RBFOX1: variants seen among roughly 807,000 people sequenced by gnomAD.
RBFOX1 encodes the protein RNA binding protein fox-1 homolog 1.
Under a neutral mutation model 57.7 loss-of-function variants are expected in RBFOX1, and 8 were observed. The observed-to-expected ratio is 0.14, with a 90% CI of 0.08 to 0.25. The LOEUF is 0.25. Ranked by LOEUF, RBFOX1 falls within the 10% of genes least tolerant of loss-of-function variation. The probability of loss-of-function intolerance (pLI) is 1.00; values close to 1 mark genes in which losing one functional copy is unlikely to be tolerated. For missense variants in RBFOX1, 611 were observed against 548.5 expected (o/e 1.11, Z -1.14); for synonymous variants, 326 against 222.4 (o/e 1.47, Z -4.15).
At chr16:7,302,633 C>CAA (rs562030708) in intron 4 of RBFOX1, among the ~76,000 whole-genome samples, 11 of 113,994 alleles carry the variant, frequency 9.6e-5, no homozygotes, top group African/African-American at 2.6e-4. Context: ...GGTCTGAAAA[C>CAA]AAAAAAAAAA....
chr16:6,876,251 C>T (rs976569667), intron 3 of RBFOX1, among the ~76,000 whole-genome samples: 8 of 152,046 alleles, frequency 5.3e-5, no homozygotes, highest in East Asian at 1.9e-4. Context: ...TCCTGACATC[C>T]AGTCTTTCTA....
At chr16:6,472,161 AT>A (rs1054337403) in intron 2 of RBFOX1, among the ~76,000 whole-genome samples, 1 of 152,094 alleles carries the variant, frequency 6.6e-6, no homozygotes, top group African/African-American at 2.4e-5. Flanking sequence ...TCAATTCCAC[AT>A]TTCTTGGAGA....
intron 3 of RBFOX1, among the ~76,000 whole-genome samples, chr16:6,760,456 A>T (rs1043065537): frequency 6.6e-6 from 1 of 152,228 alleles, no homozygotes; most frequent in East Asian, 1.9e-4. Flanking sequence ...GGCATGTATT[A>T]TTAAGAAAAA....
chr16:7,217,979 T>C (rs895696856), intron 4 of RBFOX1, among the ~76,000 whole-genome samples: 14 of 151,630 alleles, frequency 9.2e-5, no homozygotes, highest in African/African-American at 2.9e-4. Flanking sequence ...TCTGCGTGTG[T>C]GCATGTGCAT....
chr16:7,197,556 A>T (rs1333673813), intron 4 of RBFOX1, among the ~76,000 whole-genome samples: 3 of 152,126 alleles, frequency 2.0e-5, no homozygotes, highest in Admixed American at 2.0e-4. Context: ...CCACATTACC[A>T]AGCAATTCCA....
intron 2 of RBFOX1, among the ~76,000 whole-genome samples, chr16:6,343,145 C>G (rs1215308423): frequency 6.6e-6 from 1 of 152,142 alleles, no homozygotes; most frequent in African/African-American, 2.4e-5. Context: ...ACCCCTCTTC[C>G]TCTCTGTTCT....
chr16:5,529,930 T>C (rs564772494), intron 2 of RBFOX1, among the ~76,000 whole-genome samples: 2 of 152,186 alleles, frequency 1.3e-5, no homozygotes, highest in East Asian at 3.9e-4. Context: ...AGGCTGGAGT[T>C]ATGCTGCCAC....
At chr16:6,859,119 A>ACG (rs1555536656) in intron 3 of RBFOX1, among the ~76,000 whole-genome samples, 1 of 82,210 alleles carries the variant, frequency 1.2e-5, no homozygotes, top group Non-Finnish European at 2.0e-5. Flanking sequence ...GTGTATATAT[A>ACG]TATATATATA....
intron 4 of RBFOX1, among the ~76,000 whole-genome samples, chr16:7,083,920 G>C (rs982288176): frequency 6.6e-6 from 1 of 152,046 alleles, no homozygotes; most frequent in Non-Finnish European, 1.5e-5. Flanking sequence ...TTAGCATCCT[G>C]CCCACCTAGA....
intron 4 of RBFOX1, among the ~76,000 whole-genome samples, chr16:7,065,669 A>T (rs927467173): frequency 6.6e-6 from 1 of 152,138 alleles, no homozygotes; most frequent in Admixed American, 6.6e-5. Flanking sequence ...GAATACTTAA[A>T]ATTTACGCTC....
intron 3 of RBFOX1, among the ~76,000 whole-genome samples, chr16:5,641,011 ACATGCACACCATGCATAAACACC>A (rs1476436430): frequency 6.6e-6 from 1 of 151,574 alleles, no homozygotes; most frequent in African/African-American, 2.4e-5. Context: ...GCACACACAT[ACATGCACACCATGCATAAACACC>A]CATGCACACA....
At chr16:7,072,070 T>C (rs1023769351) in intron 4 of RBFOX1, among the ~76,000 whole-genome samples, 1 of 152,228 alleles carries the variant, frequency 6.6e-6, no homozygotes, top group African/African-American at 2.4e-5. Flanking sequence ...ATTCCAACTT[T>C]CTGACCCGTT....
At chr16:7,426,108 C>T (rs1163543550) in intron 4 of RBFOX1, among the ~76,000 whole-genome samples, 1 of 152,200 alleles carries the variant, frequency 6.6e-6, no homozygotes, top group Non-Finnish European at 1.5e-5. Flanking sequence ...TTAATATACT[C>T]AGGAAAAAGC....
intron 3 of RBFOX1, among the ~76,000 whole-genome samples, chr16:6,718,157 C>T (rs1248867274): frequency 6.6e-6 from 1 of 152,132 alleles, no homozygotes; most frequent in African/African-American, 2.4e-5. Context: ...CAAAGATGTC[C>T]CCATCTTTTG....
chr16:5,528,915 G>C (rs553453743), intron 2 of RBFOX1, among the ~76,000 whole-genome samples: 1 of 152,214 alleles, frequency 6.6e-6, no homozygotes, highest in African/African-American at 2.4e-5. Context: ...CTCCCAAAGT[G>C]CTGGGATTAC....
At chr16:7,473,711 G>GT (rs2062030582) in intron 4 of RBFOX1, among the ~76,000 whole-genome samples, 1 of 151,998 alleles carries the variant, frequency 6.6e-6, no homozygotes, top group African/African-American at 2.4e-5. Context: ...TCAAAGAGTA[G>GT]TTTCTTCTGA....
rs2063581726 is a variant in RBFOX1, at chr16:5,293,387, C to T, written c.219+53282C>T. Among the ~76,000 whole-genome samples the T allele has an allele frequency of 2.0e-5, 3 of 152,156 alleles. No homozygotes were observed. The South Asian group carries it at 6.2e-4, about 32-fold the overall frequency. ...CTGCTAGGCATCCACAAATAGTCAT[C>T]TTCAATGAGATGTCCCTCCTGCCCT... On this transcript the variant is annotated intron_variant, in intron 1 of 2. Transcript: ENST00000585867.
intron 2 of RBFOX1, among the ~76,000 whole-genome samples, chr16:5,548,885 A>C (rs985957727): frequency 6.6e-6 from 1 of 152,168 alleles, no homozygotes; most frequent in African/African-American, 2.4e-5. Context: ...AGAAGATGGA[A>C]GGGGCACAGG....
At chr16:5,803,771 C>T (rs2055137577) in intron 3 of RBFOX1, among the ~76,000 whole-genome samples, 1 of 152,166 alleles carries the variant, frequency 6.6e-6, no homozygotes, top group Non-Finnish European at 1.5e-5. Flanking sequence ...TTTCTATTAT[C>T]TCATGCTCTA....
Sources: allele counts gnomAD v4.1 joint callset (sites outside exome capture counted in the v4.1 genomes callset), GRCh38; gene constraint gnomAD v4.1.1; transcripts MANE v1.5; gene names NCBI Gene and HGNC (gene_info 2026-07-23, HGNC 2026-07-21).